Variants in REV3L observed in about 807,000 individuals in gnomAD.
REV3L encodes DNA polymerase zeta catalytic subunit.
Under a neutral mutation model 299.4 loss-of-function variants are expected in REV3L, and 69 were observed. That is an observed-to-expected ratio of 0.23 (90% CI 0.19 to 0.28). The LOEUF is 0.28. REV3L is among the 10% of genes least tolerant of loss of function. The pLI, the probability that REV3L is intolerant of heterozygous loss-of-function variation, is 1.00. For missense variants in REV3L, 3,128 were observed against 3,693.8 expected (o/e 0.85, Z 3.97); for synonymous variants, 1,238 against 1,271.4 (o/e 0.97, Z 0.56).
In REV3L at chr6:111,374,681, G is replaced by A; in HGVS notation, c.3674C>T (p.Thr1225Ile). The change falls in exon 13 of 32, where the codon ACA becomes ATA. Residue 1225 changes from threonine (T) to isoleucine (I), a missense_variant. Physicochemically the swap from Thr to Ile is moderately conservative, Grantham distance 89 (BLOSUM62 -1). Transcript: ENST00000368802. ...NEKGTSRKHT[T>I]LKDEKIKSQS... ...AGATTTTATTTTTTCATCCTTAAGT[G>A]TTGTATGCTTTCTCGATGTACCTTT... 1 of 1,613,418 alleles carries A rather than the reference G, an allele frequency of 6.2e-7. No homozygotes were observed. Among genetic ancestry groups the A allele is most frequent in the Non-Finnish European group, 8.5e-7 (1 of 1,179,860 alleles).
intron 26 of REV3L, among the ~76,000 whole-genome samples, chr6:111,316,365 TAAAAAA>T (rs1182094734): frequency 6.6e-6 from 1 of 151,678 alleles, no homozygotes; most frequent in Non-Finnish European, 1.5e-5. Context: ...TCACTCAACT[TAAAAAA>T]GAAAGACATT....
intron 3 of REV3L, among the ~76,000 whole-genome samples, chr6:111,408,093 G>A (rs1397318477): frequency 1.3e-5 from 2 of 152,216 alleles, no homozygotes; most frequent in African/African-American, 4.8e-5. Flanking sequence ...GAATTGGAAA[G>A]AAAGACGGGA....
intron 1 of REV3L, among the ~76,000 whole-genome samples, chr6:111,459,638 C>T (rs948669519): frequency 8.2e-4 from 124 of 152,022 alleles, no homozygotes; most frequent in Admixed American, 3.4e-3. Context: ...CAAAAGAAGA[C>T]ATACAAATGG....
At chr6:111,443,910 T>C (rs1448286926) in intron 1 of REV3L, among the ~76,000 whole-genome samples, 4 of 152,354 alleles carry the variant, frequency 2.6e-5, no homozygotes, top group South Asian at 2.1e-4. Flanking sequence ...AAATTCTTAA[T>C]TGTTTTATAA....
chr6:111,399,818 T>C (rs918704545), intron 4 of REV3L, among the ~76,000 whole-genome samples: 2 of 152,188 alleles, frequency 1.3e-5, no homozygotes, highest in Non-Finnish European at 2.9e-5. Flanking sequence ...CACGTGGTTA[T>C]AGAGTTTGAT....
chr6:111,341,763 G>GA (rs1372467403), intron 21 of REV3L, among the ~76,000 whole-genome samples: 1 of 147,716 alleles, frequency 6.8e-6, no homozygotes, highest in Non-Finnish European at 1.5e-5. Flanking sequence ...AGTTGGGGGG[G>GA]GTCAGAAGTA....
In REV3L at chr6:111,472,713, A is replaced by G. The variant is rs1792384712; in HGVS notation, c.139+10037T>C. On this transcript the variant is annotated intron_variant, in intron 1 of 31. Coordinates refer to ENST00000368802, the MANE Select transcript of REV3L (RefSeq NM_001372078.1). ...ACCAATGCTAATTAAACAACAAAGT[A>G]TTTTTCATTTATAAAATGAAATATT... is the stretch of plus-strand genomic sequence containing the variant. Among the ~76,000 whole-genome samples, 3 of 152,190 alleles carry G rather than the reference A, an allele frequency of 2.0e-5. No individual in the cohort carries two copies. In the South Asian group the frequency reaches 6.2e-4, roughly 31 times the overall value.
chr6:111,333,073 A>G, intron 23 of REV3L, 50 bp downstream of exon 23: 6 of 1,592,072 alleles, frequency 3.8e-6, no homozygotes, highest in Non-Finnish European at 5.1e-6. Flanking sequence ...TAATTTTAGT[A>G]AGAAGTACAA....
At chr6:111,303,754 C>T (rs1305008620) in intron 31 of REV3L, among the ~76,000 whole-genome samples, 3 of 113,376 alleles carry the variant, frequency 2.6e-5, no homozygotes, top group Non-Finnish European at 4.9e-5. Context: ...GAGTCTTGCT[C>T]TGTCACCCAG....
chr6:111,407,771 C>T (rs1783801184), intron 3 of REV3L, among the ~76,000 whole-genome samples: 1 of 151,998 alleles, frequency 6.6e-6, no homozygotes, highest in South Asian at 2.1e-4. Flanking sequence ...CCTGTCCTTA[C>T]TAAAAATACA....
intron 14 of REV3L, among the ~76,000 whole-genome samples, chr6:111,366,297 T>C (rs1257842494): frequency 6.6e-6 from 1 of 152,122 alleles, no homozygotes; most frequent in Non-Finnish European, 1.5e-5. Flanking sequence ...GTCAGATAGG[T>C]AGTTGGATAT....
intron 1 of REV3L, among the ~76,000 whole-genome samples, chr6:111,440,348 C>A (rs371556675): frequency 2.0e-5 from 3 of 152,166 alleles, no homozygotes; most frequent in Non-Finnish European, 2.9e-5. Flanking sequence ...GGATTACAGG[C>A]GTGAGCCACC....
At chr6:111,446,558 A>T (rs2128312579) in intron 1 of REV3L, among the ~76,000 whole-genome samples, 1 of 152,288 alleles carries the variant, frequency 6.6e-6, no homozygotes, top group South Asian at 2.1e-4. Context: ...ACAATTAGCC[A>T]GGCGAGTTGG....
chr6:111,482,962 C>G lies in REV3L; in HGVS notation c.-74G>C, dbSNP rs1212285880. ...CAGCAGCAGCGGCGGCGGCTCCCTC[C>G]GCAGCGGCGGCGGCGCCCCCTCCCC... On this transcript the variant is annotated 5_prime_UTR_variant, in exon 1 of 32. Transcript: ENST00000368802. 3 of 1,429,174 alleles carry G rather than the reference C, an allele frequency of 2.1e-6. No homozygotes were observed. Among genetic ancestry groups the G allele is most frequent in the African/African-American group, 3.0e-5 (2 of 66,192 alleles). The allele number at this position is 1,429,174 out of a possible 1,614,324, so 88.5% of individuals were successfully genotyped here.
intron 1 of REV3L, chr6:111,431,195 T>A: frequency 6.4e-7 from 1 of 1,566,350 alleles, no homozygotes; most frequent in Non-Finnish European, 8.8e-7. Flanking sequence ...TATCCATCTG[T>A]GATGGCAGAT....
At chr6:111,414,048 T>C (rs145782789) in intron 2 of REV3L, among the ~76,000 whole-genome samples, 3 of 152,134 alleles carry the variant, frequency 2.0e-5, no homozygotes, top group African/African-American at 7.2e-5. Context: ...ATCTCATACA[T>C]GCTAGTGCAC....
At chr6:111,483,352 C>G (rs1289821974), upstream of REV3L, 5 of 480,678 alleles carry the variant, frequency 1.0e-5, no homozygotes, top group Non-Finnish European at 1.1e-5. Context: ...AGGGCGGGGG[C>G]CGAGAAGGGG....
intron 17 of REV3L, among the ~76,000 whole-genome samples, chr6:111,358,470 T>TAAATG (rs1288574542): frequency 2.1e-4 from 32 of 152,144 alleles, no homozygotes; most frequent in Non-Finnish European, 3.8e-4. Context: ...AATGAATAAA[T>TAAATG]AAATGGGGTC....
In REV3L at chr6:111,337,138, G is replaced by A. The variant is rs1000525286; in HGVS notation, c.7539-1528C>T. ...GGTTGAAGAGTGGTGGCTAGGTGATGCAGGATTTCCATTTAGAGTAATTAA... is the reference window on the plus strand; with the variant it reads ...GGTTGAAGAGTGGTGGCTAGGTGATACAGGATTTCCATTTAGAGTAATTAA... On this transcript the variant is annotated intron_variant, in intron 21 of 31. Transcript: ENST00000368802. Among the ~76,000 whole-genome samples, 17 of 152,238 alleles carry A rather than the reference G, an allele frequency of 1.1e-4. 1 individual carries two copies. Among genetic ancestry groups the A allele is most frequent in the African/African-American group, 3.4e-4 (14 of 41,554 alleles).
Sources: allele counts gnomAD v4.1 joint callset (sites outside exome capture counted in the v4.1 genomes callset), GRCh38; gene constraint gnomAD v4.1.1; transcripts MANE v1.5; gene names NCBI Gene and HGNC (gene_info 2026-07-23, HGNC 2026-07-21).